ELF1: variants seen among roughly 807,000 people sequenced by gnomAD.
ELF1 encodes E74 like ETS transcription factor 1.
ELF1 carries 24 observed loss-of-function variants against 59.9 expected under a neutral mutation model. The observed-to-expected ratio is 0.40, with a 90% CI of 0.29 to 0.56. The LOEUF is 0.56. Ranked by LOEUF, ELF1 falls within the 20% of genes least tolerant of loss-of-function variation. The pLI is 0.44. For synonymous variants in ELF1, 248 were observed against 266.2 expected, an observed-to-expected ratio of 0.93 and a Z score of 0.67; for missense variants, 627 against 742.2, an observed-to-expected ratio of 0.84 and a Z score of 1.80.
At chr13:41,004,921 G>C (rs2138345053) in intron 1 of ELF1, among the ~76,000 whole-genome samples, 1 of 152,174 alleles carries the variant, frequency 6.6e-6, no homozygotes, top group East Asian at 1.9e-4. Context: ...ATCAACAAGT[G>C]ACAAAAGTTT....
At chr13:41,061,290 T>G (rs1593421255) in exon 1 of ELF1, 3 of 317,288 alleles carry the variant, frequency 9.5e-6, no homozygotes, top group Non-Finnish European at 6.0e-6. Context: ...AGGATGGAGG[T>G]TTTGGGCCCC....
chr13:41,011,372 A>G (rs1254359627), intron 1 of ELF1, among the ~76,000 whole-genome samples: 1 of 152,184 alleles, frequency 6.6e-6, no homozygotes, highest in African/African-American at 2.4e-5. Flanking sequence ...AGATCTTCTT[A>G]GTTATTTGGG....
At chr13:40,936,065 T>C (rs753602002) in intron 8 of ELF1, among the ~76,000 whole-genome samples, 2 of 152,200 alleles carry the variant, frequency 1.3e-5, no homozygotes, top group Non-Finnish European at 2.9e-5. Flanking sequence ...ATGCATAACC[T>C]TATAATATGT....
intron 1 of ELF1, among the ~76,000 whole-genome samples, chr13:41,001,188 G>A (rs1874416877): frequency 6.6e-6 from 1 of 152,020 alleles, no homozygotes; most frequent in Admixed American, 6.6e-5. Flanking sequence ...TGTTGGCCAG[G>A]CTGGTCTTGA....
intron 1 of ELF1, among the ~76,000 whole-genome samples, chr13:41,042,875 G>T (rs967984969): frequency 6.6e-6 from 1 of 152,012 alleles, no homozygotes; most frequent in African/African-American, 2.4e-5. Flanking sequence ...ATCATTGAGG[G>T]ATCGCCACAT....
intron 1 of ELF1, among the ~76,000 whole-genome samples, chr13:41,015,708 C>T (rs1875319411): frequency 6.6e-6 from 1 of 152,014 alleles, no homozygotes; most frequent in Non-Finnish European, 1.5e-5. Flanking sequence ...AAAGGTAATA[C>T]TATCATAGTA....
At chr13:41,054,313 C>T (rs1450981330) in intron 1 of ELF1, among the ~76,000 whole-genome samples, 2 of 152,174 alleles carry the variant, frequency 1.3e-5, no homozygotes, top group Non-Finnish European at 2.9e-5. Context: ...ACTGCATGCA[C>T]CAACGTGGAA....
chr13:41,044,645 C>T (rs1876765433), intron 1 of ELF1, among the ~76,000 whole-genome samples: 1 of 152,094 alleles, frequency 6.6e-6, no homozygotes, highest in Admixed American at 6.6e-5. Flanking sequence ...GGATGAAGCC[C>T]ACTTGATCAT....
At chr13:41,027,161 T>G (rs1192612723) in intron 1 of ELF1, among the ~76,000 whole-genome samples, 1 of 152,208 alleles carries the variant, frequency 6.6e-6, no homozygotes, top group African/African-American at 2.4e-5. Context: ...TAGATAATGG[T>G]TTCACAGGAT....
intron 1 of ELF1, among the ~76,000 whole-genome samples, chr13:41,044,677 G>A (rs1486789330): frequency 1.3e-5 from 2 of 152,198 alleles, no homozygotes; most frequent in East Asian, 3.8e-4. Flanking sequence ...TTTTTGATGT[G>A]CTGCTGGATT....
At chr13:41,017,773 T>C (rs1033503158) in intron 1 of ELF1, among the ~76,000 whole-genome samples, 4 of 151,994 alleles carry the variant, frequency 2.6e-5, no homozygotes, top group Non-Finnish European at 5.9e-5. Flanking sequence ...TTTTCTCTTA[T>C]GGATCACCAC....
intron 1 of ELF1, among the ~76,000 whole-genome samples, chr13:41,058,841 C>T (rs1231549546): frequency 2.0e-5 from 3 of 152,124 alleles, no homozygotes; most frequent in Non-Finnish European, 4.4e-5. Context: ...CGCGTGGTGG[C>T]GGGTGTCTGT....
chr13:40,951,490 G>A, intron 3 of ELF1, 54 bp from the exon 4 acceptor site: 1 of 1,429,962 alleles, frequency 7.0e-7, no homozygotes, highest in Non-Finnish European at 9.8e-7. Flanking sequence ...CTGTTACTCT[G>A]AAAGTCATAC....
intron 1 of ELF1, among the ~76,000 whole-genome samples, chr13:40,989,810 A>G (rs562091551): frequency 1.3e-5 from 2 of 152,332 alleles, no homozygotes; most frequent in East Asian, 1.9e-4. Context: ...GTACATAGGT[A>G]AAATGATAAA....
At chr13:40,982,562 AAAG>A (rs912302673) in intron 1 of ELF1, among the ~76,000 whole-genome samples, 3 of 151,566 alleles carry the variant, frequency 2.0e-5, no homozygotes, top group African/African-American at 7.3e-5. Context: ...AAAAAAAAAA[AAAG>A]GTCAAAAAAC....
intron 1 of ELF1, among the ~76,000 whole-genome samples, chr13:41,008,731 T>A (rs1210396926): frequency 6.6e-6 from 1 of 152,178 alleles, no homozygotes; most frequent in African/African-American, 2.4e-5. Context: ...TCAAAGAATA[T>A]CCACAATTAT....
intron 3 of ELF1, among the ~76,000 whole-genome samples, chr13:40,952,368 C>G (rs1593357076): frequency 6.8e-6 from 1 of 146,248 alleles, no homozygotes; most frequent in African/African-American, 2.5e-5. Flanking sequence ...TTTGGTTTTG[C>G]TTTTTTTTTT....
In ELF1 at chr13:40,981,980, T is replaced by C; in HGVS notation, c.72+3A>G. On this transcript the variant is annotated splice_donor_region_variant and intron_variant, in intron 2 of 8. Coordinates refer to ENST00000239882, the MANE Select transcript of ELF1 (RefSeq NM_172373.4). Reference sequence around the variant, plus strand: ...AAAATGAAATTTTCTCTGAATCTCATACCTGTCGTTCATCCTCCATGACGT... The same window carrying C: ...AAAATGAAATTTTCTCTGAATCTCACACCTGTCGTTCATCCTCCATGACGT... The C allele has an allele frequency of 6.2e-7, 1 of 1,605,334 alleles. No homozygotes were observed. Among genetic ancestry groups the C allele is most frequent in the South Asian group, 1.1e-5 (1 of 89,172 alleles).
intron 8 of ELF1, among the ~76,000 whole-genome samples, chr13:40,937,015 T>C (rs1315507006): frequency 6.6e-6 from 1 of 152,194 alleles, no homozygotes; most frequent in East Asian, 1.9e-4. Context: ...CATACACTTA[T>C]CTATACCATC....
Sources: gnomAD v4.1 joint callset for allele counts (sites outside exome capture counted in the v4.1 genomes callset) on GRCh38, gnomAD v4.1.1 for gene constraint, MANE v1.5 for transcripts, NCBI Gene and HGNC (gene_info 2026-07-23, HGNC 2026-07-21) for gene names.